VAMP8: variants seen among roughly 807,000 people sequenced by gnomAD.
VAMP8 encodes vesicle-associated membrane protein 8.
Under a neutral mutation model 11.4 loss-of-function variants are expected in VAMP8, and 9 were observed. The ratio of observed to expected loss-of-function variants is 0.79; its 90% CI spans 0.48 to 1.38. The LOEUF (loss-of-function observed/expected upper bound fraction) is 1.38. Among genes scored for constraint, VAMP8 ranks in the 40% most tolerant of loss-of-function variants. The pLI, the probability that VAMP8 is intolerant of heterozygous loss-of-function variation, is 0.00. For synonymous variants in VAMP8, 42 were observed against 44.7 expected (o/e 0.94, Z 0.24); for missense variants, 108 against 127.8 (o/e 0.85, Z 0.75).
At chr2:85,579,951 C>T in intron 2 of VAMP8, 1 of 1,487,634 alleles carries the variant, frequency 6.7e-7, no homozygotes, top group South Asian at 1.4e-5. Flanking sequence ...GGAGCATGGC[C>T]CCGGGAATTT....
Position 85,581,543 on chromosome 2 carries a change from A to G in VAMP8, c.163-33A>G, listed in dbSNP as rs367992893. 17 of 1,612,380 alleles carry G rather than the reference A, an allele frequency of 1.1e-5. No individual in the cohort carries two copies. The African/African-American group carries it at 1.5e-4, about 14-fold the overall frequency. ...TAATCTTGTTCCAGTGGGAGGAGCCACTGGGTCACTCACTCTGCCTTTTCC... is the reference window on the plus strand; with the variant it reads ...TAATCTTGTTCCAGTGGGAGGAGCCGCTGGGTCACTCACTCTGCCTTTTCC... On this transcript the variant is annotated intron_variant, in intron 2 of 2. Coordinates refer to ENST00000263864, the MANE Select transcript of VAMP8 (RefSeq NM_003761.5).
At chr2:85,579,910 G>C (rs1672341635) in intron 2 of VAMP8, 1 of 1,533,248 alleles carries the variant, frequency 6.5e-7, no homozygotes, top group Non-Finnish European at 8.8e-7. Context: ...CTCATTGCCT[G>C]TTTCTGTAGC....
At position 85,581,706 on chromosome 2, in the gene VAMP8, C is replaced by G; in HGVS notation, c.293C>G (p.Ala98Gly). ...ILFIVLFATG[A>G]FS Reference sequence around the variant, plus strand: ...TTCATTGTGCTCTTTGCCACTGGTGCCTTCTCTTAAGTAACAGGGAACCTC... The same window carrying G: ...TTCATTGTGCTCTTTGCCACTGGTGGCTTCTCTTAAGTAACAGGGAACCTC... Residue 98 changes from alanine to glycine, a missense_variant, in exon 3 of 3, where the codon GCC (alanine) becomes GGC (glycine). Ala to Gly is a moderately conservative substitution (Grantham distance 60). Transcript: ENST00000263864. 6.2e-7 allele frequency: 1 copy of G among 1,614,148 alleles called. No homozygotes were observed. Among genetic ancestry groups the G allele is most frequent in the Non-Finnish European group, 8.5e-7 (1 of 1,180,014 alleles).
At chr2:85,580,075 C>T (rs1672344649) in intron 2 of VAMP8, among the ~76,000 whole-genome samples, 1 of 152,068 alleles carries the variant, frequency 6.6e-6, no homozygotes, top group South Asian at 2.1e-4. Flanking sequence ...CCTCAGCCTC[C>T]TGAGTAGCTG....
chr2:85,581,448 A>C lies in VAMP8; in HGVS notation c.163-128A>C, dbSNP rs544718117. Reference sequence around the variant, plus strand: ...TGAGCCAAGATCGAGCCACTGCCTGAGTGACAGAGCGAGACTCCATCTCAA... The same window carrying C: ...TGAGCCAAGATCGAGCCACTGCCTGCGTGACAGAGCGAGACTCCATCTCAA... On this transcript the variant is annotated intron_variant, in intron 2 of 2. Coordinates refer to ENST00000263864, the MANE Select transcript of VAMP8 (RefSeq NM_003761.5). 6.3e-5 allele frequency: 75 copies of C among 1,195,298 alleles called. No homozygotes were observed. In the African/African-American group the frequency reaches 1.0e-3, roughly 16 times the overall value. The allele number at this position is 1,195,298 out of a possible 1,614,324, so 74.0% of individuals were successfully genotyped here. A position where few individuals can be genotyped will look rare whatever the true frequency, so the allele number is the denominator to read the frequency against.
Position 85,581,960 on chromosome 2 carries a change from C to T in VAMP8, c.*244C>T. 1 of 503,706 alleles carries T rather than the reference C, an allele frequency of 2.0e-6. No homozygotes were observed. The highest frequency in any genetic ancestry group is 3.5e-6 in the Non-Finnish European group (1 of 286,118). 31.2% of individuals were successfully genotyped at this position (503,706 alleles called of 1,614,324 possible). Reference sequence around the variant, plus strand: ...GGGTCCTTAGAGTGGGCTGGAGAGACCTAGAGGGCCCAGCATGTGGCTGGG... The same window carrying T: ...GGGTCCTTAGAGTGGGCTGGAGAGATCTAGAGGGCCCAGCATGTGGCTGGG... On this transcript the variant is annotated 3_prime_UTR_variant, in exon 3 of 3. Transcript: ENST00000263864.
intron 2 of VAMP8, 70 bp from the exon 3 acceptor site, chr2:85,581,506 C>A: frequency 6.3e-7 from 1 of 1,579,308 alleles, no homozygotes; most frequent in Non-Finnish European, 8.6e-7. Flanking sequence ...GTGGGCTGCA[C>A]TTGTACTCTT....
intron 2 of VAMP8, chr2:85,579,608 G>A (rs570818666): frequency 1.7e-5 from 24 of 1,401,270 alleles, no homozygotes; most frequent in East Asian, 1.5e-4. Context: ...AATTGCTGGC[G>A]TCTTGCTGAG....
Position 85,581,676 on chromosome 2 carries a change from T to A in VAMP8, c.263T>A (p.Ile88Asn). 6.2e-7 allele frequency: 1 copy of A among 1,614,200 alleles called. No individual in the cohort carries two copies. Among genetic ancestry groups the A allele is most frequent in the Non-Finnish European group, 8.5e-7 (1 of 1,180,026 alleles). The change falls in exon 3 of 3, where the codon ATC becomes AAC. Residue 88 changes from isoleucine to asparagine, a missense_variant. By Grantham distance (149) the Ile-to-Asn change is moderately radical. Transcript: ENST00000263864. ...VLICVIVFII[I>N]LFIVLFATGA... Reference sequence around the variant, plus strand: ...ATCTGCGTGATTGTTTTTATCATCATCCTCTTCATTGTGCTCTTTGCCACT... The same window carrying A: ...ATCTGCGTGATTGTTTTTATCATCAACCTCTTCATTGTGCTCTTTGCCACT...
At chr2:85,579,528 A>C (rs748000787) in intron 2 of VAMP8, among the ~76,000 whole-genome samples, 5 of 152,148 alleles carry the variant, frequency 3.3e-5, no homozygotes, top group Non-Finnish European at 7.4e-5. Context: ...CAGGGCAGAA[A>C]TATTGGCTCT....
At position 85,579,040 on chromosome 2, in the gene VAMP8, G is replaced by A. The variant is rs369422930; in HGVS notation, c.35G>A (p.Arg12His). ...GCCAGTGAAGGTGGAGGAAATGATC[G>A]TGTGCGGAACCTGCAAAGTGAGGTG... The part of the protein sequence containing the change: ...EEASEGGGND[R>H]VRNLQSEVEG... The change falls in exon 2 of 3, where the codon CGT (arginine) becomes CAT (histidine). Residue 12 changes from arginine (R) to histidine (H), a missense_variant. Transcript: ENST00000263864. 1.6e-5 allele frequency: 25 copies of A among 1,607,320 alleles called. No individual in the cohort carries two copies. The highest frequency in any genetic ancestry group is 1.6e-4 in the Middle Eastern group (1 of 6,078).
At chr2:85,581,489 A>G (rs1235192711) in intron 2 of VAMP8, 87 bp from the exon 3 acceptor site, 1 of 1,476,708 alleles carries the variant, frequency 6.8e-7, no homozygotes, top group East Asian at 2.3e-5. Flanking sequence ...AAAAAAAAGT[A>G]TGGCCTGTGG....
chr2:85,579,985 T>A, intron 2 of VAMP8: 2 of 1,423,416 alleles, frequency 1.4e-6, no homozygotes, highest in Non-Finnish European at 1.9e-6. Flanking sequence ...AGACAGAGCC[T>A]CACTCTGTTG....
chr2:85,581,435 G>A (rs1395795584), intron 2 of VAMP8, 141 bp from the exon 3 acceptor site: 6 of 1,050,348 alleles, frequency 5.7e-6, no homozygotes, highest in Admixed American at 5.3e-5. Flanking sequence ...AGCCAAGATC[G>A]AGCCACTGCC....
chr2:85,578,698 G>C (rs1672320620), intron 1 of VAMP8, among the ~76,000 whole-genome samples: 3 of 152,032 alleles, frequency 2.0e-5, no homozygotes, highest in African/African-American at 4.8e-5. Flanking sequence ...TGTATTCTAC[G>C]GCCCTCTCTA....
Position 85,579,132 on chromosome 2 carries a change from C to T in VAMP8, c.127C>T (p.His43Tyr), listed in dbSNP as rs779208332. 6.8e-6 allele frequency: 11 copies of T among 1,608,198 alleles called. No individual in the cohort carries two copies. The highest frequency in any genetic ancestry group is 8.5e-6 in the Non-Finnish European group (10 of 1,176,748). The change falls in exon 2 of 3, where the codon CAT (histidine) becomes TAT (tyrosine). Residue 43 changes from histidine to tyrosine, a missense_variant. Coordinates refer to ENST00000263864, the MANE Select transcript of VAMP8 (RefSeq NM_003761.5). Reference protein sequence around the residue: ...RILARGENLEHLRNKTEDLEA... With the variant: ...RILARGENLEYLRNKTEDLEA... Reference sequence around the variant, plus strand: ...CCTGGCCCGGGGGGAAAACTTGGAACATCTCCGCAACAAGACAGAGGATCT... The same window carrying T: ...CCTGGCCCGGGGGGAAAACTTGGAATATCTCCGCAACAAGACAGAGGATCT...
Position 85,577,634 on chromosome 2 carries a change from G to C in VAMP8, c.-13G>C. On this transcript the variant is annotated 5_prime_UTR_variant, in exon 1 of 3. Coordinates refer to ENST00000263864, the MANE Select transcript of VAMP8 (RefSeq NM_003761.5). ...CGAATTCACTTACTGACCGGCCTGG[G>C]CTGCTCTGAGACATGGTGAGCCAAC... The C allele has an allele frequency of 6.4e-7, 1 of 1,552,366 alleles. No individual in the cohort carries two copies. Among genetic ancestry groups the C allele is most frequent in the African/African-American group, 1.4e-5 (1 of 73,156 alleles).
Position 85,579,114 on chromosome 2 carries a change from C to T in VAMP8, c.109C>T (p.Arg37Trp), listed in dbSNP as rs752496672. 2 of 1,608,104 alleles carry T rather than the reference C, an allele frequency of 1.2e-6. No individual in the cohort carries two copies. The highest frequency in any genetic ancestry group is 1.1e-5 in the South Asian group (1 of 90,050). Residue 37 changes from arginine (R) to tryptophan (W), a missense_variant, in exon 2 of 3, where the codon CGG (arginine) becomes TGG (tryptophan). Coordinates refer to ENST00000263864, the MANE Select transcript of VAMP8 (RefSeq NM_003761.5). ...CCAGAATGTGGAGCGGATCCTGGCC[C>T]GGGGGGAAAACTTGGAACATCTCCG... ...MTQNVERILA[R>W]GENLEHLRNK...
chr2:85,579,502 C>A (rs1672334068), intron 2 of VAMP8, among the ~76,000 whole-genome samples: 1 of 152,214 alleles, frequency 6.6e-6, no homozygotes, highest in South Asian at 2.1e-4. Flanking sequence ...TGACAATCAT[C>A]TGGGTCTGAC....
Sources: gnomAD v4.1 joint callset for allele counts (sites outside exome capture counted in the v4.1 genomes callset) on GRCh38, gnomAD v4.1.1 for gene constraint, MANE v1.5 for transcripts, NCBI Gene and HGNC (gene_info 2026-07-23, HGNC 2026-07-21) for gene names.